The following FAM76A variants were observed in gnomAD, a reference collection of about 807,000 sequenced individuals.
FAM76A encodes protein FAM76A.
FAM76A carries 32 observed loss-of-function variants against 46.2 expected under a neutral mutation model. The observed-to-expected ratio is 0.69, with a 90% CI of 0.52 to 0.93. The LOEUF is 0.93. Ranked by LOEUF, FAM76A falls within the 40% of genes least tolerant of loss-of-function variation. The probability of loss-of-function intolerance (pLI) is 0.00; values close to 1 mark genes in which losing one functional copy is unlikely to be tolerated. For missense variants in FAM76A, 274 were observed against 361.5 expected (o/e 0.76, Z 1.96); for synonymous variants, 137 against 127.0 (o/e 1.08, Z -0.53).
chr1:27,749,179 G>T (rs115432159), intron 6 of FAM76A, 25 bp downstream of exon 6: 1 of 1,509,438 alleles, frequency 6.6e-7, no homozygotes, highest in Non-Finnish European at 9.0e-7. Flanking sequence ...GTATGTGTGC[G>T]CACACATTTG....
chr1:27,747,362 T>C (rs2088257825), intron 5 of FAM76A, among the ~76,000 whole-genome samples: 1 of 152,200 alleles, frequency 6.6e-6, no homozygotes, highest in African/African-American at 2.4e-5. Flanking sequence ...AAAAGTGGGA[T>C]GACCAAACGA....
intron 6 of FAM76A, among the ~76,000 whole-genome samples, chr1:27,751,301 A>C (rs1395867142): frequency 6.6e-6 from 1 of 152,238 alleles, no homozygotes; most frequent in Non-Finnish European, 1.5e-5. Context: ...AGCATTTTTA[A>C]CATTCTATTC....
At chr1:27,753,976 T>A (rs1173284921) in intron 6 of FAM76A, among the ~76,000 whole-genome samples, 2 of 152,172 alleles carry the variant, frequency 1.3e-5, no homozygotes, top group African/African-American at 4.8e-5. Context: ...GCTTTGAGTC[T>A]GAGGCACTTC....
At chr1:27,752,931 G>A (rs2088353947) in intron 6 of FAM76A, among the ~76,000 whole-genome samples, 2 of 152,132 alleles carry the variant, frequency 1.3e-5, no homozygotes, top group Admixed American at 1.3e-4. Flanking sequence ...AGGCCAAGGT[G>A]GGTGGATCAC....
At chr1:27,752,912 C>T (rs1015074446) in intron 6 of FAM76A, among the ~76,000 whole-genome samples, 2 of 152,198 alleles carry the variant, frequency 1.3e-5, no homozygotes, top group African/African-American at 4.8e-5. Context: ...GTAATCCCAG[C>T]ACTTTGGGAG....
At chr1:27,753,617 T>C (rs767973141) in intron 6 of FAM76A, among the ~76,000 whole-genome samples, 2 of 152,250 alleles carry the variant, frequency 1.3e-5, no homozygotes, top group African/African-American at 4.8e-5. Flanking sequence ...ATATGCTTCA[T>C]GTAAACTGAG....
chr1:27,732,078 T>A (rs879624285), intron 2 of FAM76A, among the ~76,000 whole-genome samples: 14 of 152,112 alleles, frequency 9.2e-5, no homozygotes, highest in Non-Finnish European at 1.5e-4. Context: ...TCCCTCAGCC[T>A]CCCAAAGTGC....
chr1:27,749,038 T>A (rs754139890), intron 5 of FAM76A, 30 bp from the exon 6 acceptor site: 1 of 1,418,660 alleles, frequency 7.0e-7, no homozygotes, highest in African/African-American at 1.4e-5. Context: ...TGATTTCTAA[T>A]GTGTGTCTCT....
At chr1:27,727,347 A>C in intron 1 of FAM76A, 125 bp from the exon 2 acceptor site, 1 of 729,526 alleles carries the variant, frequency 1.4e-6, no homozygotes, top group Non-Finnish European at 2.4e-6. Flanking sequence ...AATAAGGCCC[A>C]GAAAGTTTAA....
chr1:27,744,718 A>G lies in FAM76A; in HGVS notation c.419A>G (p.Lys140Arg), dbSNP rs189399027. The change falls in exon 5 of 9, where the codon AAA becomes AGA. Residue 140 changes from lysine to arginine, a missense_variant. Physicochemically the swap from Lys to Arg is conservative, Grantham distance 26 (BLOSUM62 2). Transcript: ENST00000373954. ...TACAAACGGGTCCTTCAGAAGACCA[A>G]AGAGCAGAGGAAACACCTGAGTAGC... ...LSYKRVLQKTKEQRKHLSSSS... is the reference protein window; with the variant it reads ...LSYKRVLQKTREQRKHLSSSS... 1.3e-4 allele frequency: 208 copies of G among 1,614,164 alleles called. No individual in the cohort carries two copies. The East Asian group carries it at 4.5e-3, about 35-fold the overall frequency.
At chr1:27,741,510 ATG>A (rs2088152922) in intron 4 of FAM76A, among the ~76,000 whole-genome samples, 1 of 152,120 alleles carries the variant, frequency 6.6e-6, no homozygotes, top group Non-Finnish European at 1.5e-5. Context: ...ACAAACAGAA[ATG>A]TGTCTTAATG....
chr1:27,728,381 C>T (rs1028816324), intron 2 of FAM76A, among the ~76,000 whole-genome samples: 28 of 152,016 alleles, frequency 1.8e-4, no homozygotes, highest in African/African-American at 6.8e-4. Flanking sequence ...GAAACAGAGT[C>T]TCTCTCTCCC....
rs555195023 is a variant in FAM76A, at chr1:27,738,948, G to A, written c.354+4765G>A. 5.1e-5 allele frequency: 8 copies of A among 156,210 alleles called. No individual in the cohort carries two copies. In the East Asian group the frequency reaches 1.5e-3, roughly 30 times the overall value. The allele number at this position is 156,210 out of a possible 1,614,324, so 9.7% of individuals were successfully genotyped here. A position where few individuals can be genotyped will look rare whatever the true frequency, so the allele number is the denominator to read the frequency against. On this transcript the variant is annotated intron_variant, in intron 4 of 8. Coordinates refer to ENST00000373954, the MANE Select transcript of FAM76A (RefSeq NM_152660.3). ...CAGCTGTGGAAAATCCTTAAGGCAG[G>A]AATGAGCTTGGCACATGATTAGAAC...
intron 7 of FAM76A, among the ~76,000 whole-genome samples, chr1:27,756,278 A>G (rs1179768156): frequency 6.6e-6 from 1 of 152,114 alleles, no homozygotes; most frequent in African/African-American, 2.4e-5. Flanking sequence ...ATATGTTAAT[A>G]TTTTAATATC....
chr1:27,737,868 C>CAAAAAAAAAAACAAAAAA (rs2088077713), intron 4 of FAM76A, among the ~76,000 whole-genome samples: 1 of 62,704 alleles, frequency 1.6e-5, no homozygotes, highest in Non-Finnish European at 3.3e-5. Context: ...ACAACAACAA[C>CAAAAAAAAAAACAAAAAA]AAAAAAAAAA....
rs2088522611 is a variant in FAM76A, at chr1:27,762,280, C to G, written c.*1699C>G. 6.6e-6 allele frequency: 1 copy of G among 152,142 alleles called. No individual in the cohort carries two copies. Among genetic ancestry groups the G allele is most frequent in the African/African-American group, 2.4e-5 (1 of 41,438 alleles). 9.4% of individuals were successfully genotyped at this position (152,142 alleles called of 1,614,324 possible). On this transcript the variant is annotated 3_prime_UTR_variant, in exon 9 of 9. Transcript: ENST00000373954. ...ATTTCTAGGCATACTCTCAGGTCCT[C>G]TATGTGATGTTTGTGAAAGGAATTA...
chr1:27,744,783 C>A lies in FAM76A; in HGVS notation c.484C>A (p.Arg162Ser). 3 of 1,614,138 alleles carry A rather than the reference C, an allele frequency of 1.9e-6. No individual in the cohort carries two copies. The highest frequency in any genetic ancestry group is 2.5e-6 in the Non-Finnish European group (3 of 1,180,028). Residue 162 changes from arginine (R) to serine (S), a missense_variant, in exon 5 of 9, where the codon CGC becomes AGC. Coordinates refer to ENST00000373954, the MANE Select transcript of FAM76A (RefSeq NM_152660.3). ...AGHQEKEQYS[R>S]LSGGGHYNSQ... ...CCACCAGGAGAAGGAGCAGTATAGT[C>A]GCCTGAGTGGTGGTGGCCATTATAA...
chr1:27,732,676 A>G lies in FAM76A; in HGVS notation c.201+19A>G, dbSNP rs755932237. On this transcript the variant is annotated intron_variant, in intron 3 of 8. Coordinates refer to ENST00000373954, the MANE Select transcript of FAM76A (RefSeq NM_152660.3). ...TGGAACGGTAAGTAGGATATTTTCA[A>G]ACCTAACAGTGAGTACTAGGGTCTT... 4 of 1,601,360 alleles carry G rather than the reference A, an allele frequency of 2.5e-6. No individual in the cohort carries two copies. The highest frequency in any genetic ancestry group is 1.7e-5 in the Admixed American group (1 of 59,882).
chr1:27,726,204 G>A, intron 1 of FAM76A, 43 bp downstream of exon 1: 1 of 1,246,704 alleles, frequency 8.0e-7, no homozygotes, highest in Non-Finnish European at 1.0e-6. Context: ...GGACGCAGGA[G>A]GCGCGGCCCG....
Sources: gnomAD v4.1 joint callset for allele counts (sites outside exome capture counted in the v4.1 genomes callset) on GRCh38, gnomAD v4.1.1 for gene constraint, MANE v1.5 for transcripts, NCBI Gene and HGNC (gene_info 2026-07-23, HGNC 2026-07-21) for gene names.